SPRED2: variants seen among roughly 807,000 people sequenced by gnomAD.
SPRED2 encodes the protein sprouty related EVH1 domain containing 2.
In SPRED2, 47 loss-of-function variants were observed where a neutral mutation model predicts 43.0. That is an observed-to-expected ratio of 1.09 (90% CI 0.87 to 1.40). The LOEUF (loss-of-function observed/expected upper bound fraction) is 1.40, where lower values mean the gene tolerates loss of function less well. Among genes scored for constraint, SPRED2 ranks in the 40% most tolerant of loss-of-function variants. The pLI is 0.00. For missense variants in SPRED2, 561 were observed against 586.4 expected (o/e 0.96, Z 0.45); for synonymous variants, 225 against 225.7 (o/e 1.00, Z 0.03).
At chr2:65,414,759 T>C (rs1342216477) in intron 1 of SPRED2, among the ~76,000 whole-genome samples, 16 of 152,194 alleles carry the variant, frequency 1.1e-4, no homozygotes, top group Non-Finnish European at 2.9e-5. Flanking sequence ...AATCTCAAAG[T>C]TGATCTTCTT....
intron 1 of SPRED2, among the ~76,000 whole-genome samples, chr2:65,357,553 C>G (rs1029735400): frequency 6.6e-6 from 1 of 152,158 alleles, no homozygotes; most frequent in African/African-American, 2.4e-5. Context: ...GAAAGGACCT[C>G]GTGTGGTGGC....
Position 65,313,471 on chromosome 2 carries a change from C to T in SPRED2, c.*30G>A, listed in dbSNP as rs766573076. On this transcript the variant is annotated 3_prime_UTR_variant, in exon 6 of 6. Coordinates refer to ENST00000356388, the MANE Select transcript of SPRED2 (RefSeq NM_181784.3). ...TAAGAGACGAGTTCCCCTGTGGCTG[C>T]GGATGGAGGGAGAAGGGAGGGAAAC... 8.3e-6 allele frequency: 13 copies of T among 1,570,000 alleles called. 1 individual carries two copies. Among genetic ancestry groups the T allele is most frequent in the South Asian group, 4.8e-5 (4 of 83,008 alleles).
In SPRED2 at chr2:65,313,194, G is replaced by A. The variant is rs1673118170; in HGVS notation, c.*307C>T. ...AGGAGGAAACAGGAAATCAACACAT[G>A]GATGAGACAGTTAGCTTGGTTACAG... is the stretch of plus-strand genomic sequence containing the variant. On this transcript the variant is annotated 3_prime_UTR_variant, in exon 6 of 6. Transcript: ENST00000356388. 9.1e-7 allele frequency: 1 copy of A among 1,096,260 alleles called. No homozygotes were observed. The highest frequency in any genetic ancestry group is 1.6e-5 in the African/African-American group (1 of 61,272). 67.9% of individuals were successfully genotyped at this position (1,096,260 alleles called of 1,614,324 possible). A position where few individuals can be genotyped will look rare whatever the true frequency, so the allele number is the denominator to read the frequency against.
At chr2:65,308,975 G>A (rs1243164874), downstream of SPRED2, among the ~76,000 whole-genome samples, 2 of 151,966 alleles carry the variant, frequency 1.3e-5, no homozygotes, top group East Asian at 1.9e-4. Context: ...TGACCAACAT[G>A]GTGAAACCCT....
At position 65,359,179 on chromosome 2, in the gene SPRED2, G is replaced by C. The variant is rs1025796335; in HGVS notation, c.27-14283C>G. Among the ~76,000 whole-genome samples the C allele has an allele frequency of 2.6e-5, 4 of 152,160 alleles. No individual in the cohort carries two copies. In the East Asian group the frequency reaches 7.7e-4, roughly 29 times the overall value. On this transcript the variant is annotated intron_variant, in intron 1 of 5. Coordinates refer to ENST00000356388, the MANE Select transcript of SPRED2 (RefSeq NM_181784.3). ...TCATGATGCAATGGATTCTTGACTA[G>C]TTGACTACACAGAGGGACAGGATTT...
At chr2:65,362,561 C>T (rs188436693) in intron 1 of SPRED2, among the ~76,000 whole-genome samples, 6 of 152,192 alleles carry the variant, frequency 3.9e-5, no homozygotes, top group East Asian at 2.0e-4. Context: ...TAAGCCACTG[C>T]GCCCGGCCGT....
intron 1 of SPRED2, among the ~76,000 whole-genome samples, chr2:65,372,818 C>T (rs2104343242): frequency 1.3e-5 from 2 of 152,276 alleles, no homozygotes; most frequent in Admixed American, 1.3e-4. Context: ...ATGCTAGACC[C>T]AAATCTGCCA....
At chr2:65,387,279 G>A (rs961099311) in intron 1 of SPRED2, among the ~76,000 whole-genome samples, 6 of 152,144 alleles carry the variant, frequency 3.9e-5, no homozygotes, top group Admixed American at 6.5e-5. Flanking sequence ...CTGTACTGCC[G>A]CTCTCGCACT....
At chr2:65,366,709 G>A in intron 1 of SPRED2, 1 of 1,524,830 alleles carries the variant, frequency 6.6e-7, no homozygotes, top group Admixed American at 2.2e-5. Flanking sequence ...GAACCAGCTG[G>A]CTGCCTGAGA....
At position 65,360,073 on chromosome 2, in the gene SPRED2, A is replaced by G. The variant is rs1674761862; in HGVS notation, c.27-15177T>C. Among the ~76,000 whole-genome samples the G allele has an allele frequency of 3.1e-5, 3 of 95,742 alleles. No homozygotes were observed. The South Asian group carries it at 1.4e-3, about 46-fold the overall frequency. 62.8% of individuals were successfully genotyped at this position (95,742 alleles called of 152,430 possible). On this transcript the variant is annotated intron_variant, in intron 1 of 5. Transcript: ENST00000356388. ...GAGCGAGACTCCATCTCAAAAAAAA[A>G]AAAAACAAAAAAAAACAAAAAAAAA...
At chr2:65,429,036 G>A (rs762835945) in intron 1 of SPRED2, among the ~76,000 whole-genome samples, 4 of 152,142 alleles carry the variant, frequency 2.6e-5, no homozygotes, top group Non-Finnish European at 4.4e-5. Context: ...TTTTCTATAT[G>A]GAAGATATCT....
chr2:65,376,133 G>A (rs1675231215), intron 1 of SPRED2, among the ~76,000 whole-genome samples: 1 of 152,220 alleles, frequency 6.6e-6, no homozygotes, highest in Non-Finnish European at 1.5e-5. Context: ...AGCCCACTAT[G>A]TTGTGGGACA....
chr2:65,322,236 CTCTCTCT>C (rs1673438124), intron 4 of SPRED2, among the ~76,000 whole-genome samples: 1 of 24,138 alleles, frequency 4.1e-5, no homozygotes, highest in African/African-American at 2.5e-4. Context: ...TTTCCTCTCT[CTCTCTCT>C]CTCTCTCTCT....
chr2:65,351,374 C>G (rs1332490131), intron 1 of SPRED2, among the ~76,000 whole-genome samples: 2 of 152,178 alleles, frequency 1.3e-5, no homozygotes, highest in Admixed American at 1.3e-4. Flanking sequence ...ACTTTTACCT[C>G]CCCCATAAAT....
chr2:65,380,294 C>G (rs1675342635), intron 1 of SPRED2, among the ~76,000 whole-genome samples: 1 of 152,152 alleles, frequency 6.6e-6, no homozygotes, highest in African/African-American at 2.4e-5. Context: ...GTAAATAAGA[C>G]TAATTTTTTC....
At chr2:65,420,926 AAAC>A (rs1277992951) in intron 1 of SPRED2, among the ~76,000 whole-genome samples, 3 of 152,230 alleles carry the variant, frequency 2.0e-5, no homozygotes, top group African/African-American at 7.2e-5. Context: ...TTTGCATCAG[AAAC>A]AACACAACCA....
intron 4 of SPRED2, among the ~76,000 whole-genome samples, chr2:65,327,713 CTTTTTTTTTTTTTT>C (rs555549300): frequency 8.1e-4 from 60 of 74,472 alleles, no homozygotes; most frequent in African/African-American, 2.6e-3. Context: ...TTCTTTCTTT[CTTTTTTTTTTTTTT>C]TTTTTTTTTT....
intron 1 of SPRED2, among the ~76,000 whole-genome samples, chr2:65,367,947 T>C (rs917713334): frequency 6.6e-6 from 1 of 152,242 alleles, no homozygotes. Flanking sequence ...AGAGCTTTGA[T>C]TTAGTGGCTG....
rs1475171599 is a variant in SPRED2, at chr2:65,349,268, T to C, written c.27-4372A>G. On this transcript the variant is annotated intron_variant, in intron 1 of 5. Coordinates refer to ENST00000356388, the MANE Select transcript of SPRED2 (RefSeq NM_181784.3). ...AGGTTGCAGTGAGCAGAGAATGCAGTGAGCAGAGATCAGCCTGGCGACACA... is the reference window on the plus strand; with the variant it reads ...AGGTTGCAGTGAGCAGAGAATGCAGCGAGCAGAGATCAGCCTGGCGACACA... 4.9e-5 allele frequency among the ~76,000 whole-genome samples: 6 copies of C among 122,440 alleles called. No individual in the cohort carries two copies. In the East Asian group the frequency reaches 1.7e-3, roughly 35 times the overall value. 80.3% of individuals were successfully genotyped at this position (122,440 alleles called of 152,430 possible).
Sources: gnomAD v4.1 joint callset for allele counts (sites outside exome capture counted in the v4.1 genomes callset) on GRCh38, gnomAD v4.1.1 for gene constraint, MANE v1.5 for transcripts, NCBI Gene and HGNC (gene_info 2026-07-23, HGNC 2026-07-21) for gene names.